Variants in ZNF385C observed in about 807,000 individuals in gnomAD.
ZNF385C encodes CTD-2132N18.2.
A neutral mutation model predicts 35.4 loss-of-function variants in ZNF385C; 28 were observed. The ratio of observed to expected loss-of-function variants is 0.79; its 90% CI spans 0.59 to 1.08. ZNF385C has a LOEUF of 1.08. ZNF385C is among the 50% of genes least tolerant of loss of function. The pLI is 0.00. For missense variants in ZNF385C, 605 were observed against 595.6 expected, an observed-to-expected ratio of 1.02 and a Z score of -0.16; for synonymous variants, 248 against 248.2, an observed-to-expected ratio of 1.00 and a Z score of 0.01.
chr17:42,033,271 G>T (rs2052772270), intron 4 of ZNF385C, among the ~76,000 whole-genome samples: 1 of 152,230 alleles, frequency 6.6e-6, no homozygotes, highest in South Asian at 2.1e-4. Flanking sequence ...CCAGAATGAG[G>T]TTCCTCCTCT....
rs529256698 is a variant in ZNF385C at position 42,041,318 on chromosome 17, G to A, written c.251-3433C>T. On this transcript the variant is annotated intron_variant, in intron 2 of 8. Transcript: ENST00000692273. The stretch of plus-strand genomic sequence containing the variant: ...TTAGACAGACTTAGGGACTAATCCT[G>A]GCTTTGCCACTTACTGGCTGTGCTA... 13 of 810,116 alleles carry A rather than the reference G, an allele frequency of 1.6e-5. No individual in the cohort carries two copies. In the South Asian group the frequency reaches 4.6e-4, roughly 29 times the overall value. The allele number at this position is 810,116 out of a possible 1,614,324, so 50.2% of individuals were successfully genotyped here. A position where few individuals can be genotyped will look rare whatever the true frequency, so the allele number is the denominator to read the frequency against.
intron 2 of ZNF385C, among the ~76,000 whole-genome samples, chr17:42,061,045 A>G (rs1297429547): frequency 6.6e-6 from 1 of 152,108 alleles, no homozygotes; most frequent in Non-Finnish European, 1.5e-5. Context: ...ATCCACCTCT[A>G]GGAAGCCTGT....
chr17:42,028,147 C>A lies in ZNF385C; in HGVS notation c.1067G>T (p.Arg356Ile). Reference sequence around the variant, plus strand: ...CCGGCCGCCCCGGCCCCCTGTGACTCTCTTGGCTTTGTGTCCGGCACCTCC... The same window carrying A: ...CCGGCCGCCCCGGCCCCCTGTGACTATCTTGGCTTTGTGTCCGGCACCTCC... Reference protein sequence around the residue: ...SRGGAGHKAKRVTGGRGGRQG... With the variant: ...SRGGAGHKAKIVTGGRGGRQG... The change falls in exon 7 of 9, where the codon AGA (arginine) becomes ATA (isoleucine). Residue 356 changes from arginine to isoleucine, a missense_variant. Coordinates refer to ENST00000692273, the MANE Select transcript of ZNF385C (RefSeq NM_001392013.1). 2 of 1,611,206 alleles carry A rather than the reference C, an allele frequency of 1.2e-6. No homozygotes were observed. The highest frequency in any genetic ancestry group is 1.7e-6 in the Non-Finnish European group (2 of 1,179,052).
chr17:42,051,065 G>A (rs909620299), intron 2 of ZNF385C, among the ~76,000 whole-genome samples: 4 of 152,108 alleles, frequency 2.6e-5, no homozygotes, highest in Non-Finnish European at 5.9e-5. Flanking sequence ...CTAGGGGAAG[G>A]GCACTCCAGG....
At position 42,062,842 on chromosome 17, in the gene ZNF385C, C is replaced by G. The variant is rs782283735; in HGVS notation, c.215G>C (p.Arg72Pro). The change falls in exon 2 of 9, where the codon CGG becomes CCG. Residue 72 changes from arginine (R) to proline (P), a missense_variant. Coordinates refer to ENST00000692273, the MANE Select transcript of ZNF385C (RefSeq NM_001392013.1). Reference protein sequence around the residue: ...CGGRAHQRRLRQLSLGKSPSG... With the variant: ...CGGRAHQRRLPQLSLGKSPSG... ...GGGGCTCTTCCCCAAGCTGAGCTGC[C>G]GAAGCCGCCTCTGGTGGGCCCGCCC... The G allele has an allele frequency of 1.6e-6, 1 of 622,812 alleles. No homozygotes were observed. 38.6% of individuals were successfully genotyped at this position (622,812 alleles called of 1,614,324 possible). A position where few individuals can be genotyped will look rare whatever the true frequency, so the allele number is the denominator to read the frequency against.
At chr17:42,041,386 A>G (rs1176451980) in intron 2 of ZNF385C, among the ~76,000 whole-genome samples, 3 of 152,070 alleles carry the variant, frequency 2.0e-5, no homozygotes, top group African/African-American at 7.2e-5. Flanking sequence ...CAGTTTTCTC[A>G]TCTCTACAGC....
chr17:42,027,155 G>A (rs2052600934), intron 8 of ZNF385C, 22 bp from the exon 9 acceptor site: 1 of 1,606,542 alleles, frequency 6.2e-7, no homozygotes. Flanking sequence ...AGAAAGGAAT[G>A]GACACAGTCT....
chr17:42,028,209 C>A lies in ZNF385C; in HGVS notation c.1005G>T (p.Gly335=). The change falls in exon 7 of 9, where the codon GGG becomes GGT. Residue 335 remains glycine (G), a synonymous_variant. Transcript: ENST00000692273. ...KHRWMMEGQR[G]APRRSRGRPV... is the part of the protein sequence containing the mutation. ...GGCGGCCCCGGCTCCTCCGGGGAGC[C>A]CCTCGCTGACCTTCCATCATCCACC... is the stretch of plus-strand genomic sequence containing the variant. The A allele has an allele frequency of 6.4e-7, 1 of 1,555,050 alleles. No individual in the cohort carries two copies. Among genetic ancestry groups the A allele is most frequent in the East Asian group, 2.3e-5 (1 of 44,224 alleles).
intron 5 of ZNF385C, 111 bp downstream of exon 5, chr17:42,031,507 CT>C (rs1410456071): frequency 1.5e-6 from 2 of 1,342,758 alleles, no homozygotes; most frequent in Non-Finnish European, 2.0e-6. Flanking sequence ...CTTTGCCTGT[CT>C]GTATGGAATA....
Position 42,034,286 on chromosome 17 carries a change from G to T in ZNF385C, c.449C>A (p.Ser150Tyr). 6.4e-7 allele frequency: 1 copy of T among 1,550,688 alleles called. No homozygotes were observed. The highest frequency in any genetic ancestry group is 8.7e-7 in the Non-Finnish European group (1 of 1,147,010). ...AATGAACAGCTTCTTCTTCAGAGGG[G>T]AGGGGACACCAAACGTGTGGCTGAT... ...AVISHTFGVP[S>Y]PLKKKLFISC... is the part of the protein sequence containing the mutation. The change falls in exon 4 of 9, where the codon TCC (serine) becomes TAC (tyrosine). Residue 150 changes from serine to tyrosine, a missense_variant. Ser to Tyr is a moderately radical substitution (Grantham distance 144). Coordinates refer to ENST00000692273, the MANE Select transcript of ZNF385C (RefSeq NM_001392013.1).
rs905506997 is a variant in ZNF385C at position 42,086,358 on chromosome 17, G to C, written c.-3+12052C>G. Among the ~76,000 whole-genome samples, 13 of 151,726 alleles carry C rather than the reference G, an allele frequency of 8.6e-5. 2 individuals carry two copies. Among genetic ancestry groups the C allele is most frequent in the Admixed American group, 3.3e-4 (5 of 15,210 alleles). On this transcript the variant is annotated intron_variant, in intron 1 of 8. Coordinates refer to ENST00000692273, the MANE Select transcript of ZNF385C (RefSeq NM_001392013.1). ...AGTGAGCTGAGATCGCTTCGGCCTG[G>C]GCAACAGAGTGAGACTTTGTCTTAA... is the stretch of plus-strand genomic sequence containing the variant.
chr17:42,029,475 T>C (rs782523786), intron 5 of ZNF385C, among the ~76,000 whole-genome samples: 3 of 152,164 alleles, frequency 2.0e-5, no homozygotes, highest in Non-Finnish European at 2.9e-5. Flanking sequence ...TCCGAGCACT[T>C]TGGGAGGCCG....
intron 2 of ZNF385C, among the ~76,000 whole-genome samples, chr17:42,045,052 G>A (rs968919771): frequency 6.6e-6 from 1 of 152,076 alleles, no homozygotes; most frequent in African/African-American, 2.4e-5. Flanking sequence ...CAAGTAGCTG[G>A]GACTACAGGC....
intron 2 of ZNF385C, among the ~76,000 whole-genome samples, chr17:42,045,914 G>T (rs898831961): frequency 6.6e-6 from 1 of 152,126 alleles, no homozygotes; most frequent in African/African-American, 2.4e-5. Flanking sequence ...AGAGCCTCCC[G>T]CCATTCCTGT....
intron 1 of ZNF385C, among the ~76,000 whole-genome samples, chr17:42,086,825 A>G (rs1555660180): frequency 1.3e-5 from 2 of 150,906 alleles, no homozygotes; most frequent in Non-Finnish European, 3.0e-5. Context: ...ACTCAGTTTA[A>G]TACTTTTTTT....
At chr17:42,063,393 T>C (rs2053494928) in intron 1 of ZNF385C, among the ~76,000 whole-genome samples, 1 of 152,150 alleles carries the variant, frequency 6.6e-6, no homozygotes, top group Non-Finnish European at 1.5e-5. Flanking sequence ...CTGGGCATGG[T>C]GGCGCATGCC....
At chr17:42,037,221 CAATA>C (rs782545295) in intron 3 of ZNF385C, among the ~76,000 whole-genome samples, 4 of 152,130 alleles carry the variant, frequency 2.6e-5, no homozygotes, top group Non-Finnish European at 4.4e-5. Context: ...CACAAGGACA[CAATA>C]AACCCTCAGA....
In ZNF385C at chr17:42,034,314, C is replaced by G; in HGVS notation, c.421G>C (p.Val141Leu). 6.4e-7 allele frequency: 1 copy of G among 1,550,546 alleles called. No individual in the cohort carries two copies. The highest frequency in any genetic ancestry group is 8.7e-7 in the Non-Finnish European group (1 of 1,146,968). ...GGGACACCAAACGTGTGGCTGATGA[C>G]AGCTTTCTGGACCGGGTCCATCTGT... ...FSTMDPVQKA[V>L]ISHTFGVPSP... Residue 141 changes from valine to leucine, a missense_variant, in exon 4 of 9, where the codon GTC becomes CTC. Transcript: ENST00000692273.
At chr17:42,094,616 G>C (rs1567998876) in intron 1 of ZNF385C, among the ~76,000 whole-genome samples, 1 of 152,154 alleles carries the variant, frequency 6.6e-6, no homozygotes, top group Non-Finnish European at 1.5e-5. Flanking sequence ...GGACACAGAT[G>C]GGGAGCACAC....
Sources: allele counts gnomAD v4.1 joint callset (sites outside exome capture counted in the v4.1 genomes callset), GRCh38; gene constraint gnomAD v4.1.1; transcripts MANE v1.5; gene names NCBI Gene and HGNC (gene_info 2026-07-23, HGNC 2026-07-21).